The following PHACTR2 variants were observed in gnomAD, a reference collection of about 807,000 sequenced individuals.
PHACTR2 encodes the protein chromosome 6 open reading frame 56.
Under a neutral mutation model 76.0 loss-of-function variants are expected in PHACTR2, and 30 were observed. The ratio of observed to expected loss-of-function variants is 0.39; its 90% CI spans 0.30 to 0.54. The LOEUF is 0.54. PHACTR2 is among the 20% of genes least tolerant of loss of function. The pLI, the probability that PHACTR2 is intolerant of heterozygous loss-of-function variation, is 0.61. For missense variants in PHACTR2, 696 were observed against 781.1 expected (o/e 0.89, Z 1.30); for synonymous variants, 292 against 292.5 (o/e 1.00, Z 0.02).
chr6:143,567,184 A>T lies in PHACTR2; in HGVS notation c.217+29977A>T, dbSNP rs538439925. ...GTACCAAAGTGACTTTAGCGCCCCA[A>T]GTATTCTGGAGTCATTGTGAAAGCT... On this transcript the variant is annotated intron_variant, in intron 1 of 11. Coordinates refer to the PHACTR2 transcript ENST00000367584. Among the ~76,000 whole-genome samples, 5 of 152,160 alleles carry T rather than the reference A, an allele frequency of 3.3e-5. No homozygotes were observed. In the East Asian group the frequency reaches 9.7e-4, roughly 29 times the overall value.
rs916350498 is a variant in PHACTR2 at position 143,733,806 on chromosome 6, G to A, written c.215-15179G>A. ...TTTTAATTCAACCATTTGTGTTCTT[G>A]TGTATTTCACAACAAAACCTAATGA... On this transcript the variant is annotated intron_variant, in intron 2 of 12. Transcript: ENST00000440869. This position sits in a 1 kb window ranked among gnomAD's most constrained non-coding sequence, Gnocchi z 4.0. 2.6e-5 allele frequency among the ~76,000 whole-genome samples: 4 copies of A among 152,140 alleles called. No homozygotes were observed. The highest frequency in any genetic ancestry group is 5.9e-5 in the Non-Finnish European group (4 of 68,026).
chr6:143,640,256 A>G (rs560343871), intron 1 of PHACTR2, among the ~76,000 whole-genome samples: 2 of 152,372 alleles, frequency 1.3e-5, no homozygotes, highest in Admixed American at 6.5e-5. Flanking sequence ...TTTAATCACC[A>G]TTTTAGAGTG....
At position 143,585,873 on chromosome 6, in the gene PHACTR2, G is replaced by A. The variant is rs113951715; in HGVS notation, c.217+48666G>A. ...GAAGTGGATGAGCCCAGCAGCAGGG[G>A]ATTTTAAGCTGGGGCCGCTAGCACT... On this transcript the variant is annotated intron_variant, in intron 1 of 11. Transcript: ENST00000367584. The surrounding 1 kb of genome is among the most constrained non-coding windows in gnomAD (Gnocchi z 5.2). Among the ~76,000 whole-genome samples, 3 of 152,186 alleles carry A rather than the reference G, an allele frequency of 2.0e-5. No homozygotes were observed. Among genetic ancestry groups the A allele is most frequent in the East Asian group, 1.9e-4 (1 of 5,196 alleles).
intron 1 of PHACTR2, among the ~76,000 whole-genome samples, chr6:143,706,131 C>T (rs926393739): frequency 1.3e-5 from 2 of 152,188 alleles, no homozygotes; most frequent in African/African-American, 4.8e-5. Context: ...TCCTCTGTCC[C>T]TTTAACCTAC....
Position 143,771,921 on chromosome 6 carries a change from T to C in PHACTR2, c.1233-337T>C, listed in dbSNP as rs944392898. Among the ~76,000 whole-genome samples the C allele has an allele frequency of 3.9e-5, 6 of 152,082 alleles. No homozygotes were observed. In the South Asian group the frequency reaches 1.2e-3, roughly 32 times the overall value. On this transcript the variant is annotated intron_variant, in intron 6 of 12. Coordinates refer to ENST00000440869, the MANE Select transcript of PHACTR2 (RefSeq NM_001100164.2). Reference sequence around the variant, plus strand: ...TCTTCAGGTCCCCATGGGACAGACGTGGGGGCAAGGAATTAAACTGAAGGT... The same window carrying C: ...TCTTCAGGTCCCCATGGGACAGACGCGGGGGCAAGGAATTAAACTGAAGGT...
In PHACTR2 at chr6:143,656,688, A is replaced by G. The variant is rs1776854074; in HGVS notation, c.13+48366A>G. Among the ~76,000 whole-genome samples, 1 of 152,194 alleles carries G rather than the reference A, an allele frequency of 6.6e-6. No individual in the cohort carries two copies. The highest frequency in any genetic ancestry group is 2.4e-5 in the African/African-American group (1 of 41,452). On this transcript the variant is annotated intron_variant, in intron 1 of 11. Transcript: ENST00000305766. The surrounding 1 kb of genome is among the most constrained non-coding windows in gnomAD (Gnocchi z 5.3). Reference sequence around the variant, plus strand: ...AATGAATAGATGTGATCATAGAAGAAGCAATATCAAGATTTTTCACCAGCC... The same window carrying G: ...AATGAATAGATGTGATCATAGAAGAGGCAATATCAAGATTTTTCACCAGCC...
rs1776905238 is a variant in PHACTR2 at position 143,659,253 on chromosome 6, T to C, written c.13+50931T>C. ...TCCTAATAATAAATTAACCTTAGCT[T>C]ATTGTAACTTTTTTACTTTATAAAC... On this transcript the variant is annotated intron_variant, in intron 1 of 11. Transcript: ENST00000305766. The surrounding 1 kb of genome is among the most constrained non-coding windows in gnomAD (Gnocchi z 5.0). Among the ~76,000 whole-genome samples the C allele has an allele frequency of 6.6e-6, 1 of 152,212 alleles. No individual in the cohort carries two copies. Among genetic ancestry groups the C allele is most frequent in the African/African-American group, 2.4e-5 (1 of 41,464 alleles).
intron 1 of PHACTR2, among the ~76,000 whole-genome samples, chr6:143,574,250 C>T (rs1775481095): frequency 6.6e-6 from 1 of 152,196 alleles, no homozygotes; most frequent in African/African-American, 2.4e-5. Context: ...GAAGGAGAAT[C>T]CCGGTCTCTA....
intron 12 of PHACTR2, among the ~76,000 whole-genome samples, chr6:143,813,151 AT>A (rs1776215785): frequency 6.6e-6 from 1 of 152,256 alleles, no homozygotes; most frequent in South Asian, 2.1e-4. Flanking sequence ...GTAGTTTCAT[AT>A]TTGTATCAGC....
chr6:143,681,483 A>G (rs918827515), intron 1 of PHACTR2, among the ~76,000 whole-genome samples: 2 of 151,776 alleles, frequency 1.3e-5, no homozygotes, highest in Non-Finnish European at 2.9e-5. Flanking sequence ...TGTATACTAG[A>G]TCCAAATCCC....
intron 1 of PHACTR2, among the ~76,000 whole-genome samples, chr6:143,642,785 C>T (rs945724429): frequency 1.3e-5 from 2 of 152,188 alleles, no homozygotes; most frequent in Non-Finnish European, 2.9e-5. Flanking sequence ...AGCAAACCAT[C>T]AGAAACTAGG....
rs1157643304 is a variant in PHACTR2 at position 143,757,801 on chromosome 6, C to T, written c.455-2600C>T. ...TTTCTACTGATGTGTGTGTCAATAACTATTAGACAGTCAGTCCCATTCGTT... is the reference window on the plus strand; with the variant it reads ...TTTCTACTGATGTGTGTGTCAATAATTATTAGACAGTCAGTCCCATTCGTT... On this transcript the variant is annotated intron_variant, in intron 4 of 12. Coordinates refer to ENST00000440869, the MANE Select transcript of PHACTR2 (RefSeq NM_001100164.2). The surrounding 1 kb of genome is among the most constrained non-coding windows in gnomAD (Gnocchi z 4.2). Among the ~76,000 whole-genome samples the T allele has an allele frequency of 1.3e-5, 2 of 152,300 alleles. No homozygotes were observed. The highest frequency in any genetic ancestry group is 4.8e-5 in the African/African-American group (2 of 41,566).
In PHACTR2 at chr6:143,543,603, T is replaced by C. The variant is rs1562679076; in HGVS notation, c.217+6396T>C. 6.6e-6 allele frequency among the ~76,000 whole-genome samples: 1 copy of C among 152,080 alleles called. No homozygotes were observed. The highest frequency in any genetic ancestry group is 1.5e-5 in the Non-Finnish European group (1 of 68,008). On this transcript the variant is annotated intron_variant, in intron 1 of 11. Coordinates refer to the PHACTR2 transcript ENST00000367584. The surrounding 1 kb of genome is among the most constrained non-coding windows in gnomAD (Gnocchi z 4.7). ...CTATGCAAAAGGAGGAACTGAAAGATGGAGTTGGGTTGGGGAGGAAGAGTG... is the reference window on the plus strand; with the variant it reads ...CTATGCAAAAGGAGGAACTGAAAGACGGAGTTGGGTTGGGGAGGAAGAGTG...
rs1246487975 is a variant in PHACTR2 at position 143,774,131 on chromosome 6, A to G, written c.1505A>G (p.Glu502Gly). 3.1e-6 allele frequency: 5 copies of G among 1,613,848 alleles called. No homozygotes were observed. The highest frequency in any genetic ancestry group is 1.3e-5 in the African/African-American group (1 of 74,944). ...IKLGNRPSKK[E>G]LEDKNILQRT... is the part of the protein sequence containing the mutation. ...CTTGGCAACAGACCATCTAAGAAAGAACTAGAGGACAAAAACATCTTGCAG... is the reference window on the plus strand; with the variant it reads ...CTTGGCAACAGACCATCTAAGAAAGGACTAGAGGACAAAAACATCTTGCAG... Residue 502 changes from glutamate to glycine, a missense_variant, in exon 8 of 13, where the codon GAA becomes GGA. By Grantham distance (98) the Glu-to-Gly change is moderately conservative. Transcript: ENST00000440869. The surrounding 1 kb of genome is among the most constrained non-coding windows in gnomAD (Gnocchi z 5.4).
At chr6:143,737,301 T>A (rs1778844275) in intron 2 of PHACTR2, among the ~76,000 whole-genome samples, 1 of 151,552 alleles carries the variant, frequency 6.6e-6, no homozygotes, top group African/African-American at 2.4e-5. Flanking sequence ...TTAAATTTTA[T>A]TTATTATTAT....
chr6:143,688,303 A>G lies in PHACTR2; in HGVS notation c.46+10094A>G, dbSNP rs1372495244. ...AAGTGGGACCAAGAAGTAGGCTGGAATAATCCAGCAAGGTGAAGTGGATGC... is the reference window on the plus strand; with the variant it reads ...AAGTGGGACCAAGAAGTAGGCTGGAGTAATCCAGCAAGGTGAAGTGGATGC... On this transcript the variant is annotated intron_variant, in intron 1 of 12. Transcript: ENST00000440869. The surrounding 1 kb of genome is among the most constrained non-coding windows in gnomAD (Gnocchi z 5.2). Among the ~76,000 whole-genome samples, 1 of 152,126 alleles carries G rather than the reference A, an allele frequency of 6.6e-6. No homozygotes were observed. The highest frequency in any genetic ancestry group is 2.4e-5 in the African/African-American group (1 of 41,440).
chr6:143,686,166 T>C (rs1039105881), intron 1 of PHACTR2, among the ~76,000 whole-genome samples: 4 of 150,690 alleles, frequency 2.7e-5, no homozygotes, highest in Non-Finnish European at 4.4e-5. Flanking sequence ...AGACTACACT[T>C]AGACCCAGTA....
At chr6:143,701,991 GC>G (rs1014884098) in intron 1 of PHACTR2, among the ~76,000 whole-genome samples, 3 of 152,204 alleles carry the variant, frequency 2.0e-5, no homozygotes, top group African/African-American at 7.2e-5. Context: ...AGGTCACAGG[GC>G]TGATTAAGTA....
At position 143,652,408 on chromosome 6, in the gene PHACTR2, G is replaced by T. The variant is rs971621546; in HGVS notation, c.13+44086G>T. Among the ~76,000 whole-genome samples the T allele has an allele frequency of 6.6e-6, 1 of 152,142 alleles. No homozygotes were observed. Among genetic ancestry groups the T allele is most frequent in the Non-Finnish European group, 1.5e-5 (1 of 68,028 alleles). ...TGCGCTGCTGTTTGTTTGTTTGTTT[G>T]TTTGTTTGTTTTTCCCTGTATCTGC... is the stretch of plus-strand genomic sequence containing the variant. On this transcript the variant is annotated intron_variant, in intron 1 of 11. Transcript: ENST00000305766. This position sits in a 1 kb window ranked among gnomAD's most constrained non-coding sequence, Gnocchi z 4.5.
Sources: allele counts gnomAD v4.1 joint callset (sites outside exome capture counted in the v4.1 genomes callset), GRCh38; gene constraint gnomAD v4.1.1; non-coding constraint Gnocchi (gnomAD v3.1); transcripts MANE v1.5; gene names NCBI Gene and HGNC (gene_info 2026-07-23, HGNC 2026-07-21).